OCA2: variants seen among roughly 807,000 people sequenced by gnomAD.
OCA2 encodes the protein P protein.
OCA2 carries 77 observed loss-of-function variants against 100.2 expected under a neutral mutation model. The observed-to-expected ratio is 0.77, with a 90% CI of 0.64 to 0.93. OCA2 has a LOEUF of 0.93. Ranked by LOEUF, OCA2 falls within the 40% of genes least tolerant of loss-of-function variation. The pLI, the probability that OCA2 is intolerant of heterozygous loss-of-function variation, is 0.00. For synonymous variants in OCA2, 432 were observed against 439.2 expected (o/e 0.98, Z 0.21); for missense variants, 1,062 against 1,089.1 (o/e 0.98, Z 0.35).
intron 9 of OCA2, among the ~76,000 whole-genome samples, chr15:28,006,083 A>G (rs2042082822): frequency 6.6e-6 from 1 of 152,154 alleles, no homozygotes; most frequent in Non-Finnish European, 1.5e-5. Flanking sequence ...AGGTGGTGAT[A>G]AAGTCTGCCT....
chr15:27,898,691 C>G lies in OCA2; in HGVS notation c.2080-26769G>C, dbSNP rs77739242. Among the ~76,000 whole-genome samples, 88 of 152,276 alleles carry G rather than the reference C, an allele frequency of 5.8e-4. No homozygotes were observed. The East Asian group carries it at 0.016, about 28-fold the overall frequency. The stretch of plus-strand genomic sequence containing the variant: ...AATAAATAAAAGTGTGCAAAAAATA[C>G]TTGGGCTTTATTTGGGCCCCATTCT... On this transcript the variant is annotated intron_variant, in intron 19 of 23. Coordinates refer to ENST00000354638, the MANE Select transcript of OCA2 (RefSeq NM_000275.3).
chr15:27,806,957 G>A (rs1344916376), intron 23 of OCA2, among the ~76,000 whole-genome samples: 1 of 152,104 alleles, frequency 6.6e-6, no homozygotes, highest in African/African-American at 2.4e-5. Context: ...AGCCAGACCT[G>A]GACACTGTCC....
In OCA2 at chr15:27,758,200, T is replaced by C. The variant is rs185987476; in HGVS notation, c.2433-2728A>G. Among the ~76,000 whole-genome samples, 52 of 152,236 alleles carry C rather than the reference T, an allele frequency of 3.4e-4. 1 individual carries two copies. Among genetic ancestry groups the C allele is most frequent in the African/African-American group, 1.2e-3 (51 of 41,554 alleles). ...CCCTCATATATCCTGGACTAGGTGC[T>C]GGGAAGCTGATACGTCAGTGGGTAC... On this transcript the variant is annotated intron_variant, in intron 23 of 23. Coordinates refer to ENST00000354638, the MANE Select transcript of OCA2 (RefSeq NM_000275.3).
chr15:27,842,612 G>T (rs952219872), intron 23 of OCA2, among the ~76,000 whole-genome samples: 2 of 152,216 alleles, frequency 1.3e-5, no homozygotes, highest in Admixed American at 1.3e-4. Flanking sequence ...AAGAAGGATG[G>T]TCAGAGCTGG....
intron 23 of OCA2, among the ~76,000 whole-genome samples, chr15:27,767,551 CTG>C (rs1430463621): frequency 6.6e-6 from 1 of 151,994 alleles, no homozygotes; most frequent in Non-Finnish European, 1.5e-5. Flanking sequence ...AATCAGCACT[CTG>C]TAAAAATGCA....
At chr15:27,822,812 G>C (rs1389527412) in intron 23 of OCA2, among the ~76,000 whole-genome samples, 1 of 152,120 alleles carries the variant, frequency 6.6e-6, no homozygotes, top group African/African-American at 2.4e-5. Flanking sequence ...AATACATACT[G>C]TAAAAATCTT....
At chr15:27,922,863 G>A (rs938840069) in intron 19 of OCA2, among the ~76,000 whole-genome samples, 2 of 151,842 alleles carry the variant, frequency 1.3e-5, no homozygotes, top group African/African-American at 4.8e-5. Flanking sequence ...TTATTATATA[G>A]GTAGACTCAT....
intron 14 of OCA2, among the ~76,000 whole-genome samples, chr15:27,974,574 C>G (rs12050576): frequency 0.21 from 31,226 of 152,118 alleles, 4,795 homozygotes; most frequent in East Asian, 0.85. Context: ...CCAAGACCAG[C>G]TTGGGCAACA....
intron 18 of OCA2, among the ~76,000 whole-genome samples, chr15:27,926,859 C>T (rs2039061795): frequency 6.6e-6 from 1 of 152,166 alleles, no homozygotes; most frequent in Admixed American, 6.5e-5. Context: ...AGTGATCCGC[C>T]CACCTCAGAC....
At chr15:27,764,424 C>T (rs1369598001) in intron 23 of OCA2, among the ~76,000 whole-genome samples, 1 of 152,178 alleles carries the variant, frequency 6.6e-6, no homozygotes, top group Non-Finnish European at 1.5e-5. Flanking sequence ...ATGCACACAG[C>T]AGGGCTTCCA....
intron 3 of OCA2, among the ~76,000 whole-genome samples, chr15:28,028,705 A>G (rs906828857): frequency 1.3e-5 from 2 of 152,064 alleles, no homozygotes; most frequent in Non-Finnish European, 2.9e-5. Context: ...TTGTTTTTTG[A>G]GACAGAGTCT....
intron 21 of OCA2, among the ~76,000 whole-genome samples, chr15:27,862,939 C>T (rs1479779119): frequency 6.6e-6 from 1 of 152,208 alleles, no homozygotes; most frequent in Non-Finnish European, 1.5e-5. Context: ...TCTAAATATA[C>T]ATCTGAAGCT....
chr15:28,017,097 C>A (rs181673842), intron 7 of OCA2, among the ~76,000 whole-genome samples: 1 of 151,848 alleles, frequency 6.6e-6, no homozygotes, highest in East Asian at 2.0e-4. Flanking sequence ...TGGGAAGATG[C>A]GAATCTCGCC....
At chr15:27,968,491 C>T (rs1354762283) in intron 14 of OCA2, among the ~76,000 whole-genome samples, 6 of 152,166 alleles carry the variant, frequency 3.9e-5, no homozygotes, top group Non-Finnish European at 8.8e-5. Flanking sequence ...AATCACCTTC[C>T]AAAGGTCTGG....
chr15:27,948,472 G>A (rs1675326151), intron 18 of OCA2, among the ~76,000 whole-genome samples: 4 of 151,800 alleles, frequency 2.6e-5, no homozygotes, highest in African/African-American at 7.3e-5. Flanking sequence ...TTTGTTTTCT[G>A]TTTTTTGTTT....
At chr15:27,863,282 C>A (rs2036204535) in intron 21 of OCA2, among the ~76,000 whole-genome samples, 1 of 152,138 alleles carries the variant, frequency 6.6e-6, no homozygotes, top group South Asian at 2.1e-4. Flanking sequence ...CCGGGCGGAT[C>A]CCCTGGTAAA....
At chr15:27,836,666 G>T (rs942300187) in intron 23 of OCA2, among the ~76,000 whole-genome samples, 1 of 152,160 alleles carries the variant, frequency 6.6e-6, no homozygotes, top group African/African-American at 2.4e-5. Flanking sequence ...ATGAATGTCT[G>T]CCTGGCTACC....
chr15:28,009,058 T>G (rs1305320255), intron 9 of OCA2, among the ~76,000 whole-genome samples: 1 of 152,202 alleles, frequency 6.6e-6, no homozygotes, highest in Non-Finnish European at 1.5e-5. Context: ...CAATGTTGGC[T>G]CCACTGCTGG....
chr15:28,072,093 C>G (rs960394999), intron 2 of OCA2, among the ~76,000 whole-genome samples: 1 of 152,184 alleles, frequency 6.6e-6, no homozygotes, highest in Non-Finnish European at 1.5e-5. Context: ...CCCGGCCGGG[C>G]ACAGTGGCTC....
Sources: gnomAD v4.1 joint callset for allele counts (sites outside exome capture counted in the v4.1 genomes callset) on GRCh38, gnomAD v4.1.1 for gene constraint, MANE v1.5 for transcripts, NCBI Gene and HGNC (gene_info 2026-07-23, HGNC 2026-07-21) for gene names.